The following MALRD1 variants were observed in gnomAD, a reference collection of about 807,000 sequenced individuals.
MALRD1 encodes the protein MAM and LDL receptor class A domain containing 1.
Under a neutral mutation model 242.1 loss-of-function variants are expected in MALRD1, and 247 were observed. The observed-to-expected ratio is 1.02, with a 90% CI of 0.92 to 1.13. The LOEUF is 1.13. Among genes scored for constraint, MALRD1 ranks in the 50% most tolerant of loss-of-function variants. MALRD1 has a pLI of 0.00. For synonymous variants in MALRD1, 995 were observed against 866.6 expected (o/e 1.15, Z -2.60); for missense variants, 2,989 against 2,533.1 (o/e 1.18, Z -3.86).
chr10:19,619,708 G>A (rs1317298684), intron 36 of MALRD1, among the ~76,000 whole-genome samples: 2 of 151,998 alleles, frequency 1.3e-5, no homozygotes, highest in Non-Finnish European at 2.9e-5. Context: ...TCATTGCATT[G>A]CAAGTTTTTC....
intron 29 of MALRD1, among the ~76,000 whole-genome samples, chr10:19,454,682 C>T (rs73595813): frequency 6.8e-6 from 1 of 147,414 alleles, no homozygotes; most frequent in Non-Finnish European, 1.5e-5. Flanking sequence ...TAAATCAAAC[C>T]GTTGTAAATC....
chr10:19,480,835 T>A (rs1836963000), intron 29 of MALRD1, among the ~76,000 whole-genome samples: 1 of 152,132 alleles, frequency 6.6e-6, no homozygotes, highest in Admixed American at 6.5e-5. Flanking sequence ...CAGGCTTTTT[T>A]TTGGCGGTTG....
intron 18 of MALRD1, among the ~76,000 whole-genome samples, chr10:19,242,822 G>C (rs1838851534): frequency 2.0e-5 from 3 of 151,888 alleles, no homozygotes; most frequent in Admixed American, 2.0e-4. Context: ...GTCTTTAATA[G>C]TGAGGTAAGT....
intron 36 of MALRD1, among the ~76,000 whole-genome samples, chr10:19,650,835 A>G (rs954630438): frequency 6.6e-6 from 1 of 152,058 alleles, no homozygotes; most frequent in African/African-American, 2.4e-5. Flanking sequence ...TTTGTCTCCT[A>G]TTAGGTTTAG....
intron 29 of MALRD1, among the ~76,000 whole-genome samples, chr10:19,477,457 GAAATAAATAAAT>G (rs60939811): frequency 1.4e-4 from 21 of 150,112 alleles, no homozygotes; most frequent in Non-Finnish European, 2.7e-4. Context: ...AGAGTAGTTG[GAAATAAATAAAT>G]AAATAAATAA....
At chr10:19,669,975 C>A (rs1841839866) in intron 36 of MALRD1, among the ~76,000 whole-genome samples, 4 of 152,054 alleles carry the variant, frequency 2.6e-5, no homozygotes, top group Admixed American at 2.0e-4. Flanking sequence ...TCTTCGTCAT[C>A]AGAGCTCAAG....
At chr10:19,518,249 A>G (rs1833725322) in intron 31 of MALRD1, among the ~76,000 whole-genome samples, 1 of 152,212 alleles carries the variant, frequency 6.6e-6, no homozygotes, top group South Asian at 2.1e-4. Flanking sequence ...ACTCAAAGAG[A>G]CAACCTCAGA....
At chr10:19,227,282 A>C (rs1837840011) in intron 18 of MALRD1, among the ~76,000 whole-genome samples, 1 of 152,020 alleles carries the variant, frequency 6.6e-6, no homozygotes. Context: ...ACTTACTGGC[A>C]TGAAGAAGAC....
chr10:19,445,912 C>T (rs1021963704), intron 28 of MALRD1, among the ~76,000 whole-genome samples: 1 of 152,204 alleles, frequency 6.6e-6, no homozygotes, highest in Admixed American at 6.5e-5. Context: ...TCTACAGAGG[C>T]AGGTAGGCCT....
In MALRD1 at chr10:19,610,557, A is replaced by T. The variant is rs1393096561; in HGVS notation, c.6070+2655A>T. ...TTCGGGTGGACTCCTAGGTGTATAT[A>T]TCTCTTCAAACTATGTGCAGATAAT... On this transcript the variant is annotated intron_variant, in intron 35 of 39. Transcript: ENST00000454679. 2.0e-5 allele frequency among the ~76,000 whole-genome samples: 3 copies of T among 152,132 alleles called. No homozygotes were observed. The East Asian group carries it at 5.8e-4, about 29-fold the overall frequency.
intron 4 of MALRD1, among the ~76,000 whole-genome samples, chr10:19,103,189 T>C (rs1836330554): frequency 6.6e-6 from 1 of 152,068 alleles, no homozygotes; most frequent in Non-Finnish European, 1.5e-5. Flanking sequence ...AACAATCATT[T>C]CCAGTCGATG....
Position 19,638,929 on chromosome 10 carries a change from A to G in MALRD1, c.6137+23006A>G, listed in dbSNP as rs183854882. On this transcript the variant is annotated intron_variant, in intron 36 of 39. Coordinates refer to ENST00000454679, the MANE Select transcript of MALRD1 (RefSeq NM_001142308.3). ...TTTTATTTTATGTTTTATTTTTGCA[A>G]TTGAAGCCTCATGAATACTAAGTTC... 6.9e-4 allele frequency among the ~76,000 whole-genome samples: 105 copies of G among 151,864 alleles called. No individual in the cohort carries two copies. The South Asian group carries it at 0.015, about 22-fold the overall frequency.
chr10:19,099,213 C>A (rs1010909936), intron 4 of MALRD1, among the ~76,000 whole-genome samples: 2 of 152,076 alleles, frequency 1.3e-5, no homozygotes, highest in Non-Finnish European at 1.5e-5. Context: ...GTTTACAGCT[C>A]GATTTTTCAG....
intron 32 of MALRD1, among the ~76,000 whole-genome samples, chr10:19,552,991 C>T (rs183548174): frequency 1.1e-4 from 17 of 152,062 alleles, no homozygotes; most frequent in South Asian, 2.1e-4. Flanking sequence ...AATACATAAA[C>T]GGAAAAAGCT....
chr10:19,593,172 C>T (rs1837907118), intron 33 of MALRD1, among the ~76,000 whole-genome samples: 1 of 152,146 alleles, frequency 6.6e-6, no homozygotes, highest in Non-Finnish European at 1.5e-5. Context: ...ATAATTTGTA[C>T]ATTGGAACAT....
chr10:19,344,666 T>C (rs1489556752), intron 24 of MALRD1, among the ~76,000 whole-genome samples: 2 of 150,490 alleles, frequency 1.3e-5, no homozygotes, highest in African/African-American at 4.8e-5. Flanking sequence ...TATAAAAATA[T>C]ATATCTACAA....
At chr10:19,260,012 T>C (rs1839676988) in intron 19 of MALRD1, among the ~76,000 whole-genome samples, 1 of 152,204 alleles carries the variant, frequency 6.6e-6, no homozygotes, top group Non-Finnish European at 1.5e-5. Flanking sequence ...ATTTGACACA[T>C]ACTAGTACTC....
intron 14 of MALRD1, among the ~76,000 whole-genome samples, chr10:19,183,614 T>C (rs1223034159): frequency 6.6e-6 from 1 of 152,212 alleles, no homozygotes; most frequent in Non-Finnish European, 1.5e-5. Context: ...AGACTGATTA[T>C]GGCCTACTTC....
Position 19,283,017 on chromosome 10 carries a change from A to C in MALRD1, c.3257-2A>C, listed in dbSNP as rs1429483833. ...CCTTTTCTTTGTTCTACCCCATCCA[A>C]GTTATGGAAGTTTGCAGCTTTGAGA... On this transcript the variant is annotated splice_acceptor_variant, in intron 20 of 39. Transcript: ENST00000454679. LOFTEE classifies it high-confidence loss of function. 1 of 1,537,296 alleles carries C rather than the reference A, an allele frequency of 6.5e-7. No homozygotes were observed. Among genetic ancestry groups the C allele is most frequent in the Non-Finnish European group, 8.8e-7 (1 of 1,139,252 alleles).
Sources: gnomAD v4.1 joint callset for allele counts (sites outside exome capture counted in the v4.1 genomes callset) on GRCh38, gnomAD v4.1.1 for gene constraint, MANE v1.5 for transcripts, NCBI Gene and HGNC (gene_info 2026-07-23, HGNC 2026-07-21) for gene names.